Variants in SUMF1 observed in about 807,000 individuals in gnomAD.
The protein encoded by SUMF1 is formylglycine-generating enzyme.
SUMF1 carries 48 observed loss-of-function variants against 47.6 expected under a neutral mutation model. The observed-to-expected ratio is 1.01, with a 90% confidence interval of 0.80 to 1.28. SUMF1 has a LOEUF of 1.28. Among genes scored for constraint, SUMF1 ranks in the 50% most tolerant of loss-of-function variants. The probability of loss-of-function intolerance (pLI) is 0.00; values close to 1 mark genes in which losing one functional copy is unlikely to be tolerated. For missense variants in SUMF1, 571 were observed against 485.4 expected (o/e 1.18, Z -1.66); for synonymous variants, 230 against 192.1 (o/e 1.20, Z -1.63).
At chr3:4,292,216 AT>A (rs1322100438) in intron 8 of SUMF1, among the ~76,000 whole-genome samples, 1 of 152,224 alleles carries the variant, frequency 6.6e-6, no homozygotes, top group Non-Finnish European at 1.5e-5. Flanking sequence ...TAAGATGAAC[AT>A]TTGCCCTAGA....
intron 8 of SUMF1, among the ~76,000 whole-genome samples, chr3:4,286,043 A>G (rs760107665): frequency 2.3e-4 from 35 of 152,100 alleles, no homozygotes; most frequent in Non-Finnish European, 4.7e-4. Context: ...GTAAGAATGT[A>G]TTGCACATTC....
Position 4,440,093 on chromosome 3 carries a change from G to A in SUMF1, c.519+9173C>T, listed in dbSNP as rs1702531517. 3.3e-5 allele frequency among the ~76,000 whole-genome samples: 5 copies of A among 152,006 alleles called. No individual in the cohort carries two copies. The South Asian group carries it at 1.0e-3, about 32-fold the overall frequency. ...TACTAAAAATACAAAAAAATTAGCT[G>A]GGCTTGGTGGCGGGAGCCTATAATC... On this transcript the variant is annotated intron_variant, in intron 3 of 8. Transcript: ENST00000272902.
At chr3:4,313,349 G>A (rs766708918) in intron 8 of SUMF1, 1 of 1,613,900 alleles carries the variant, frequency 6.2e-7, no homozygotes. Flanking sequence ...GTTTATAATG[G>A]GCAGGTAATG....
At chr3:4,116,510 A>G (rs1424776512) in intron 8 of SUMF1, among the ~76,000 whole-genome samples, 2 of 152,148 alleles carry the variant, frequency 1.3e-5, no homozygotes, top group African/African-American at 2.4e-5. Context: ...AGTTTGATCT[A>G]TTAAATTTTG....
intron 8 of SUMF1, among the ~76,000 whole-genome samples, chr3:4,161,951 G>A (rs1300461581): frequency 6.6e-6 from 1 of 152,034 alleles, no homozygotes; most frequent in Non-Finnish European, 1.5e-5. Context: ...TTTCACCCAA[G>A]GCCCACAGCA....
intron 8 of SUMF1, among the ~76,000 whole-genome samples, chr3:4,270,521 A>G (rs1697282874): frequency 6.6e-6 from 1 of 152,138 alleles, no homozygotes; most frequent in Admixed American, 6.6e-5. Context: ...TGAATTTATA[A>G]TTACAACTCC....
intron 8 of SUMF1, among the ~76,000 whole-genome samples, chr3:4,125,007 A>C (rs1693625173): frequency 6.6e-6 from 1 of 152,142 alleles, no homozygotes; most frequent in Non-Finnish European, 1.5e-5. Context: ...TAATTGCCTT[A>C]GGCCTAATCT....
At position 4,170,016 on chromosome 3, in the gene SUMF1, G is replaced by A. The variant is rs573312083; in HGVS notation, c.1015-101271C>T. 2.8e-3 allele frequency among the ~76,000 whole-genome samples: 425 copies of A among 152,290 alleles called. 5 individuals are homozygous for A. Among genetic ancestry groups the A allele is most frequent in the Non-Finnish European group, 4.9e-3 (331 of 68,018 alleles). ...ATGCCAAGCATTTAGATGTGGGAGA[G>A]GTGAGAATGGAATACAATAGGGATT... On this transcript the variant is annotated intron_variant and NMD_transcript_variant, in intron 8 of 12. Coordinates refer to the SUMF1 transcript ENST00000448413.
chr3:4,427,122 A>G (rs1164694915), intron 3 of SUMF1, among the ~76,000 whole-genome samples: 3 of 152,224 alleles, frequency 2.0e-5, no homozygotes, highest in Non-Finnish European at 4.4e-5. Context: ...TTATACACAC[A>G]CAGCCCAGAA....
intron 8 of SUMF1, among the ~76,000 whole-genome samples, chr3:4,079,687 T>TA (rs1275282299): frequency 6.7e-6 from 1 of 150,132 alleles, no homozygotes; most frequent in African/African-American, 2.5e-5. Flanking sequence ...CTTATTGGAA[T>TA]ATCTAGTATG....
chr3:4,109,760 T>C (rs1693248416), intron 8 of SUMF1, among the ~76,000 whole-genome samples: 1 of 152,180 alleles, frequency 6.6e-6, no homozygotes, highest in African/African-American at 2.4e-5. Context: ...TCTTGTGCCA[T>C]GGTTTTCAGC....
In SUMF1 at chr3:4,112,567, A is replaced by G. The variant is rs576344152; in HGVS notation, c.1015-43822T>C. Among the ~76,000 whole-genome samples, 265 of 152,286 alleles carry G rather than the reference A, an allele frequency of 1.7e-3. 3 individuals carry two copies. Among genetic ancestry groups the G allele is most frequent in the Middle Eastern group, 0.01 (3 of 294 alleles). The stretch of plus-strand genomic sequence containing the variant: ...TTTCATAGAAAAGTATCTTGTGACC[A>G]TCATAAAGATGAATGAGACCCATAT... On this transcript the variant is annotated intron_variant and NMD_transcript_variant, in intron 8 of 12. Coordinates refer to the SUMF1 transcript ENST00000448413.
At chr3:4,176,680 A>C (rs1025542623) in intron 8 of SUMF1, among the ~76,000 whole-genome samples, 13 of 152,202 alleles carry the variant, frequency 8.5e-5, no homozygotes, top group African/African-American at 3.1e-4. Context: ...TCAAATTCAC[A>C]CATAACAACA....
intron 7 of SUMF1, among the ~76,000 whole-genome samples, chr3:4,407,281 A>G (rs1022933816): frequency 2.6e-5 from 4 of 152,274 alleles, no homozygotes; most frequent in Non-Finnish European, 4.4e-5. Flanking sequence ...ACTGAAAAAG[A>G]AAAATATATT....
intron 8 of SUMF1, among the ~76,000 whole-genome samples, chr3:4,204,709 A>G (rs1695615010): frequency 6.6e-6 from 1 of 151,870 alleles, no homozygotes; most frequent in Non-Finnish European, 1.5e-5. Flanking sequence ...GTATTTTCAG[A>G]TAGCCTGTCT....
intron 8 of SUMF1, among the ~76,000 whole-genome samples, chr3:4,331,615 G>A (rs1473445890): frequency 6.6e-6 from 1 of 152,192 alleles, no homozygotes; most frequent in Non-Finnish European, 1.5e-5. Context: ...ATCACCTGAG[G>A]TCAGGAGTTC....
chr3:4,393,684 G>C (rs920086099), intron 7 of SUMF1, among the ~76,000 whole-genome samples: 1 of 151,518 alleles, frequency 6.6e-6, no homozygotes, highest in Non-Finnish European at 1.5e-5. Flanking sequence ...AATAGAGTGT[G>C]GCAGAAAGAG....
intron 8 of SUMF1, among the ~76,000 whole-genome samples, chr3:4,349,551 A>T (rs1420230263): frequency 6.6e-6 from 1 of 152,244 alleles, no homozygotes; most frequent in Non-Finnish European, 1.5e-5. Flanking sequence ...TCCTTGCAGC[A>T]CTATTTACGA....
chr3:4,253,392 C>T (rs1696853596), intron 8 of SUMF1, among the ~76,000 whole-genome samples: 1 of 152,180 alleles, frequency 6.6e-6, no homozygotes, highest in Non-Finnish European at 1.5e-5. Context: ...TGGGCGCAGG[C>T]CAGTGGGTGC....
Sources: allele counts gnomAD v4.1 joint callset (sites outside exome capture counted in the v4.1 genomes callset), GRCh38; gene constraint gnomAD v4.1.1; transcripts MANE v1.5; gene names NCBI Gene and HGNC (gene_info 2026-07-23, HGNC 2026-07-21).